The following FABP12 variants were observed in gnomAD, a reference collection of about 807,000 sequenced individuals.
FABP12 encodes fatty acid binding protein 12, also known as fatty acid-binding protein 12.
FABP12 carries 19 observed loss-of-function variants against 13.7 expected under a neutral mutation model. The observed-to-expected ratio is 1.39, with a 90% CI of 0.97 to 2.04. The LOEUF (loss-of-function observed/expected upper bound fraction) is 2.04. FABP12 is among the 30% of genes most tolerant of loss of function. The pLI is 0.00. For synonymous variants in FABP12, 61 were observed against 57.0 expected, an observed-to-expected ratio of 1.07 and a Z score of -0.32; for missense variants, 182 against 164.2, an observed-to-expected ratio of 1.11 and a Z score of -0.59.
At chr8:81,534,674 G>A (rs555138189), upstream of FABP12, among the ~76,000 whole-genome samples, 1 of 152,262 alleles carries the variant, frequency 6.6e-6, no homozygotes, top group African/African-American at 2.4e-5. Flanking sequence ...TGTAACAGGT[G>A]GCTCATGCCT....
At chr8:81,567,034 ATAAAG>A (rs1365658243) in intron 1 of FABP12, among the ~76,000 whole-genome samples, 1 of 152,234 alleles carries the variant, frequency 6.6e-6, no homozygotes, top group African/African-American at 2.4e-5. Flanking sequence ...TGAAAAAGAA[ATAAAG>A]TAATCCCATT....
At chr8:81,550,109 G>T (rs1029949150) in intron 1 of FABP12, among the ~76,000 whole-genome samples, 9 of 152,206 alleles carry the variant, frequency 5.9e-5, no homozygotes, top group Admixed American at 1.3e-4. Context: ...GTGTTGAAAT[G>T]CTACTCCATT....
At chr8:81,558,719 G>A (rs1456462208) in intron 1 of FABP12, among the ~76,000 whole-genome samples, 10 of 151,774 alleles carry the variant, frequency 6.6e-5, no homozygotes, top group Admixed American at 5.3e-4. Flanking sequence ...GTGAAACCCC[G>A]TCTCTACTGA....
intron 1 of FABP12, among the ~76,000 whole-genome samples, chr8:81,586,367 GA>G (rs1256514681): frequency 1.3e-5 from 2 of 152,156 alleles, no homozygotes; most frequent in African/African-American, 4.8e-5. Context: ...CCAGTTATGG[GA>G]TTGCTGAGTC....
upstream of FABP12, among the ~76,000 whole-genome samples, chr8:81,535,084 C>G (rs1809190259): frequency 6.6e-6 from 1 of 152,198 alleles, no homozygotes; most frequent in Non-Finnish European, 1.5e-5. Flanking sequence ...TTAATCTGCA[C>G]TAACAAAGAT....
intron 1 of FABP12, among the ~76,000 whole-genome samples, chr8:81,555,801 T>C (rs534001450): frequency 2.6e-5 from 4 of 152,296 alleles, no homozygotes; most frequent in Admixed American, 1.3e-4. Context: ...ATTAAAAGTA[T>C]TCAGGAAAAT....
upstream of FABP12, among the ~76,000 whole-genome samples, chr8:81,537,164 T>C (rs1585839435): frequency 6.6e-6 from 1 of 152,208 alleles, no homozygotes; most frequent in African/African-American, 2.4e-5. Context: ...CCGGCATTTA[T>C]AAAAGTAACA....
chr8:81,537,496 A>G (rs914234287), upstream of FABP12, among the ~76,000 whole-genome samples: 16 of 152,196 alleles, frequency 1.1e-4, no homozygotes, highest in Non-Finnish European at 1.9e-4. Context: ...TTCTGTAAGG[A>G]AAAAAATTTA....
intron 1 of FABP12, among the ~76,000 whole-genome samples, chr8:81,544,199 C>T (rs147319479): frequency 2.0e-3 from 312 of 152,204 alleles, no homozygotes; most frequent in Non-Finnish European, 3.7e-3. Context: ...GCTGTTGTAA[C>T]GAATTAACGT....
At chr8:81,556,446 G>C (rs113190603) in intron 1 of FABP12, among the ~76,000 whole-genome samples, 1,548 of 152,142 alleles carry the variant, frequency 0.01, 16 homozygotes, top group African/African-American at 0.034. Flanking sequence ...GGTTTGCTAG[G>C]GCCAGAATCC....
chr8:81,578,923 G>A (rs1236403848), intron 1 of FABP12, among the ~76,000 whole-genome samples: 8 of 140,514 alleles, frequency 5.7e-5, no homozygotes, highest in Non-Finnish European at 7.5e-5. Context: ...CTCCCTCCCG[G>A]GTTCACGCCA....
intron 1 of FABP12, among the ~76,000 whole-genome samples, chr8:81,555,394 T>G (rs1422406758): frequency 6.6e-6 from 1 of 152,218 alleles, no homozygotes; most frequent in African/African-American, 2.4e-5. Context: ...TTAATTGTTT[T>G]TAGAAATTTT....
chr8:81,579,115 A>C (rs371542941), intron 1 of FABP12, among the ~76,000 whole-genome samples: 16 of 152,082 alleles, frequency 1.1e-4, no homozygotes, highest in African/African-American at 3.9e-4. Context: ...GGCGTGAGCC[A>C]CCGCGCCCAG....
intron 1 of FABP12, among the ~76,000 whole-genome samples, chr8:81,569,013 A>C (rs974241259): frequency 2.0e-5 from 3 of 152,164 alleles, no homozygotes; most frequent in Non-Finnish European, 4.4e-5. Context: ...GGGTACAAAA[A>C]TATAATTAGA....
intron 1 of FABP12, among the ~76,000 whole-genome samples, chr8:81,563,652 T>C (rs1354429813): frequency 1.3e-5 from 2 of 152,120 alleles, no homozygotes; most frequent in African/African-American, 4.8e-5. Context: ...TACTGAAGAA[T>C]GCATAAAAGT....
At chr8:81,587,406 G>A (rs144094703) in intron 1 of FABP12, among the ~76,000 whole-genome samples, 2,911 of 152,094 alleles carry the variant, frequency 0.019, 64 homozygotes, top group African/African-American at 0.056. Context: ...AACAATATTG[G>A]TTCTTCCTAT....
chr8:81,559,488 TCGGGGGCTGGTC>T (rs1434107430), intron 1 of FABP12, among the ~76,000 whole-genome samples: 1 of 152,200 alleles, frequency 6.6e-6, no homozygotes, highest in Non-Finnish European at 1.5e-5. Context: ...GCCAGGGTGA[TCGGGGGCTGGTC>T]CAAATGGAGC....
upstream of FABP12, among the ~76,000 whole-genome samples, chr8:81,535,023 G>A (rs1454978091): frequency 6.6e-6 from 1 of 152,204 alleles, no homozygotes; most frequent in Non-Finnish European, 1.5e-5. Context: ...GATTGAGGTA[G>A]GAAAGAATGT....
chr8:81,562,416 T>C (rs575456968), intron 1 of FABP12, among the ~76,000 whole-genome samples: 1 of 152,264 alleles, frequency 6.6e-6, no homozygotes, highest in South Asian at 2.1e-4. Flanking sequence ...GGACTTCGTC[T>C]TGTAGCTTAC....
Sources: gnomAD v4.1 joint callset for allele counts (sites outside exome capture counted in the v4.1 genomes callset) on GRCh38, gnomAD v4.1.1 for gene constraint, MANE v1.5 for transcripts, NCBI Gene and HGNC (gene_info 2026-07-23, HGNC 2026-07-21) for gene names.